Variants in MED13L observed in about 807,000 individuals in gnomAD.
MED13L encodes the protein mediator complex subunit 13L.
A neutral mutation model predicts 220.9 loss-of-function variants in MED13L; 7 were observed. The observed-to-expected ratio is 0.03, with a 90% confidence interval of 0.02 to 0.06. MED13L has a LOEUF of 0.06. MED13L is among the 10% of genes least tolerant of loss of function. The pLI is 1.00. For missense variants in MED13L, 1,965 were observed against 2,760.5 expected (o/e 0.71, Z 6.46); for synonymous variants, 1,011 against 1,015.2 (o/e 1.00, Z 0.08).
chr12:116,117,368 A>C (rs1033742934), intron 2 of MED13L, among the ~76,000 whole-genome samples: 2 of 152,170 alleles, frequency 1.3e-5, no homozygotes, highest in African/African-American at 4.8e-5. Context: ...TGGCAGTTAC[A>C]TACCTGCATA....
intron 8 of MED13L, among the ~76,000 whole-genome samples, chr12:116,013,633 G>A (rs1879550803): frequency 6.6e-6 from 1 of 152,178 alleles, no homozygotes; most frequent in Non-Finnish European, 1.5e-5. Flanking sequence ...TAGCATTTAA[G>A]AGCAGCACTC....
Position 115,983,481 on chromosome 12 carries a change from T to C in MED13L, c.4591A>G (p.Thr1531Ala), listed in dbSNP as rs1174478412. 2.5e-6 allele frequency: 4 copies of C among 1,614,082 alleles called. No individual in the cohort carries two copies. Residue 1531 changes from threonine to alanine, a missense_variant, in exon 21 of 31, where the codon ACC becomes GCC. By Grantham distance (58) the Thr-to-Ala change is moderately conservative (BLOSUM62 0). Coordinates refer to ENST00000281928, the MANE Select transcript of MED13L (RefSeq NM_015335.5). ...TGTCCCTGTGCTGCTGCTGGTGGGG[T>C]CTGGTATTTAGGTGGTATCAATAGG... ...SSLLIPPKYQ[T>A]PPAAAQGQAT...
intron 2 of MED13L, among the ~76,000 whole-genome samples, chr12:116,197,843 C>T (rs1881738512): frequency 6.6e-6 from 1 of 151,306 alleles, no homozygotes. Flanking sequence ...TAGAAAGCAA[C>T]TCTTTATGAT....
intron 4 of MED13L, 80 bp from the exon 5 acceptor site, chr12:116,022,681 C>G (rs1880131437): frequency 6.9e-7 from 1 of 1,443,256 alleles, no homozygotes; most frequent in African/African-American, 1.4e-5. Context: ...AGGTAAGATA[C>G]AGCTCTACTT....
At chr12:116,140,475 A>G (rs1876972431) in intron 2 of MED13L, among the ~76,000 whole-genome samples, 1 of 152,202 alleles carries the variant, frequency 6.6e-6, no homozygotes, top group African/African-American at 2.4e-5. Flanking sequence ...TGTTTTACAG[A>G]TATGTACATA....
intron 13 of MED13L, among the ~76,000 whole-genome samples, chr12:116,004,589 A>C: frequency 6.6e-6 from 1 of 152,130 alleles, no homozygotes. Context: ...ATCAGTCTCT[A>C]ATCATCCAAA....
chr12:116,222,156 T>C (rs770850178), intron 2 of MED13L, among the ~76,000 whole-genome samples: 4 of 152,208 alleles, frequency 2.6e-5, no homozygotes, highest in Non-Finnish European at 5.9e-5. Context: ...TATATGGCTA[T>C]AAAATGCATT....
intron 1 of MED13L, among the ~76,000 whole-genome samples, chr12:116,239,040 A>AACTTGGAAG: frequency 6.6e-6 from 1 of 152,316 alleles, no homozygotes; most frequent in Non-Finnish European, 1.5e-5. Context: ...GGTTGCAGTG[A>AACTTGGAAG]GCCGAGATCG....
intron 2 of MED13L, among the ~76,000 whole-genome samples, chr12:116,189,353 T>A (rs528859413): frequency 8.4e-4 from 127 of 151,676 alleles, no homozygotes; most frequent in African/African-American, 3.0e-3. Flanking sequence ...ACTAGTTGGA[T>A]TTTTTTTTAA....
chr12:116,239,157 T>C (rs1247050713), intron 1 of MED13L, among the ~76,000 whole-genome samples: 1 of 151,784 alleles, frequency 6.6e-6, no homozygotes, highest in Non-Finnish European at 1.5e-5. Context: ...AAAAAAAAGG[T>C]TTTGCTTCAA....
chr12:116,061,563 A>G (rs1869484633), intron 4 of MED13L, among the ~76,000 whole-genome samples: 1 of 152,214 alleles, frequency 6.6e-6, no homozygotes, highest in Admixed American at 6.5e-5. Flanking sequence ...CCTTCAGGAC[A>G]TGATAGTTAC....
chr12:116,008,395 T>C lies in MED13L; in HGVS notation c.2012+6A>G. ...GACGGGTGGGTGGTGCAGAGAGCTGTCTTACCTTTGCAATGCAGTGCTCTC... is the reference window on the plus strand; with the variant it reads ...GACGGGTGGGTGGTGCAGAGAGCTGCCTTACCTTTGCAATGCAGTGCTCTC... On this transcript the variant is annotated splice_donor_region_variant and intron_variant, in intron 10 of 30. Coordinates refer to ENST00000281928, the MANE Select transcript of MED13L (RefSeq NM_015335.5). The C allele has an allele frequency of 6.2e-7, 1 of 1,606,388 alleles. No individual in the cohort carries two copies. The highest frequency in any genetic ancestry group is 1.1e-5 in the South Asian group (1 of 90,144).
chr12:116,119,809 TAAAAAAAA>T (rs57622950), intron 2 of MED13L, among the ~76,000 whole-genome samples: 1,059 of 38,620 alleles, frequency 0.027, 14 homozygotes, highest in Admixed American at 0.046. Context: ...CCCATATCTT[TAAAAAAAA>T]AAAAAAAAAA....
At chr12:116,242,811 ACTAG>A (rs2138484465) in intron 1 of MED13L, among the ~76,000 whole-genome samples, 1 of 152,294 alleles carries the variant, frequency 6.6e-6, no homozygotes, top group Non-Finnish European at 1.5e-5. Context: ...CCCAAATATA[ACTAG>A]ATTTAAGCTG....
intron 15 of MED13L, 74 bp downstream of exon 15, chr12:115,996,936 C>G (rs746721916): frequency 2.1e-6 from 3 of 1,450,814 alleles, no homozygotes; most frequent in Admixed American, 1.7e-5. Flanking sequence ...CAGACAATAC[C>G]ATTTTAAAGC....
At chr12:116,239,478 AT>A (rs1177912224) in intron 1 of MED13L, among the ~76,000 whole-genome samples, 3 of 152,140 alleles carry the variant, frequency 2.0e-5, no homozygotes, top group Admixed American at 6.5e-5. Flanking sequence ...CATGATTTAT[AT>A]TTTTCACTTA....
At chr12:116,251,308 CTTTTTTTTTTTTT>C (rs61533775) in intron 1 of MED13L, among the ~76,000 whole-genome samples, 1 of 87,874 alleles carries the variant, frequency 1.1e-5, no homozygotes, top group South Asian at 4.1e-4. Context: ...ATCATGGATC[CTTTTTTTTTTTTT>C]TTTTTTTTTT....
intron 1 of MED13L, among the ~76,000 whole-genome samples, chr12:116,239,307 T>G (rs538784382): frequency 6.6e-6 from 1 of 152,338 alleles, no homozygotes; most frequent in South Asian, 2.1e-4. Flanking sequence ...GGTTTCCCTA[T>G]ATGTTACTTG....
intron 4 of MED13L, among the ~76,000 whole-genome samples, chr12:116,042,937 G>A (rs1264825787): frequency 6.6e-6 from 1 of 152,142 alleles, no homozygotes; most frequent in Non-Finnish European, 1.5e-5. Flanking sequence ...ATTCTTTCAA[G>A]GATAAAGGGC....
Sources: allele counts gnomAD v4.1 joint callset (sites outside exome capture counted in the v4.1 genomes callset), GRCh38; gene constraint gnomAD v4.1.1; transcripts MANE v1.5; gene names NCBI Gene and HGNC (gene_info 2026-07-23, HGNC 2026-07-21).